Variants in KIAA0232 observed in about 807,000 individuals in gnomAD.
KIAA0232 encodes the protein uncharacterized protein KIAA0232.
In KIAA0232, 27 loss-of-function variants were observed where a neutral mutation model predicts 122.0. The observed-to-expected ratio is 0.22, with a 90% CI of 0.16 to 0.31. The LOEUF (loss-of-function observed/expected upper bound fraction) is 0.31, where lower values mean the gene tolerates loss of function less well. KIAA0232 is among the 10% of genes least tolerant of loss of function. KIAA0232 has a pLI of 1.00. For missense variants in KIAA0232, 1,551 were observed against 1,634.2 expected, an observed-to-expected ratio of 0.95 and a Z score of 0.88; for synonymous variants, 613 against 587.6, an observed-to-expected ratio of 1.04 and a Z score of -0.63.
chr4:6,794,897 A>G (rs1050460276), intron 1 of KIAA0232, among the ~76,000 whole-genome samples: 2 of 152,186 alleles, frequency 1.3e-5, no homozygotes, highest in African/African-American at 4.8e-5. Context: ...GATGCCAGTC[A>G]GATATCTCCT....
chr4:6,857,118 G>A (rs1233558226), intron 4 of KIAA0232, 46 bp from the exon 5 acceptor site: 2 of 1,457,580 alleles, frequency 1.4e-6, no homozygotes, highest in East Asian at 2.4e-5. Flanking sequence ...TACCTGATTT[G>A]TACATACCTG....
At position 6,842,160 on chromosome 4, in the gene KIAA0232, A is replaced by C; in HGVS notation, c.325A>C (p.Lys109Gln). 2 of 1,610,302 alleles carry C rather than the reference A, an allele frequency of 1.2e-6. No homozygotes were observed. Among genetic ancestry groups the C allele is most frequent in the Non-Finnish European group, 1.7e-6 (2 of 1,178,880 alleles). Reference protein sequence around the residue: ...KCSDLTLEEMKKQAAVQCLRS... With the variant: ...KCSDLTLEEMQKQAAVQCLRS... ...TTCAGATCTAACTCTAGAAGAAATG[A>C]AAAAACAGGCTGCTGTCCAGTGTCT... Residue 109 changes from lysine to glutamine, a missense_variant, in exon 4 of 10, where the codon AAA becomes CAA. By Grantham distance (53) the Lys-to-Gln change is moderately conservative (BLOSUM62 1). Around this residue, in one of 5 missense-constraint regions of KIAA0232, gnomAD observed 377 missense variants for 381.7 expected, o/e 0.99. Coordinates refer to ENST00000307659, the MANE Select transcript of KIAA0232 (RefSeq NM_014743.3).
At chr4:6,854,928 G>T (rs1437993909) in intron 4 of KIAA0232, among the ~76,000 whole-genome samples, 1 of 152,100 alleles carries the variant, frequency 6.6e-6, no homozygotes, top group Admixed American at 6.6e-5. Flanking sequence ...AATTGGGAAA[G>T]TGAATAAAAA....
chr4:6,871,184 G>C (rs771451944), intron 7 of KIAA0232, among the ~76,000 whole-genome samples: 9 of 152,200 alleles, frequency 5.9e-5, no homozygotes, highest in Admixed American at 2.0e-4. Flanking sequence ...TGTAATCCCA[G>C]TACTTTGGGA....
chr4:6,879,117 T>C (rs994279676), intron 9 of KIAA0232, among the ~76,000 whole-genome samples: 27 of 152,174 alleles, frequency 1.8e-4, no homozygotes, highest in Non-Finnish European at 2.8e-4. Context: ...CAAGCCACTG[T>C]CCCTGCTCCT....
chr4:6,835,082 A>G (rs948135274), intron 3 of KIAA0232, among the ~76,000 whole-genome samples: 1 of 152,198 alleles, frequency 6.6e-6, no homozygotes, highest in Non-Finnish European at 1.5e-5. Context: ...GGAAGGCCCA[A>G]GATAGCTTTA....
chr4:6,861,924 T>G lies in KIAA0232; in HGVS notation c.1542T>G (p.Ile514Met), dbSNP rs760832560. The change falls in exon 7 of 10, where the codon ATT becomes ATG. Residue 514 changes from isoleucine to methionine, a missense_variant. Physicochemically the swap from Ile to Met is conservative, Grantham distance 10 (BLOSUM62 1). This residue lies in a region of KIAA0232 where 1,108 missense variants were observed against 1,154.8 expected (regional missense o/e 0.96). Coordinates refer to ENST00000307659, the MANE Select transcript of KIAA0232 (RefSeq NM_014743.3). ...SELTHFYEVD[I>M]DQSMLDPGAS... ...TAACGCACTTCTATGAAGTGGATAT[T>G]GATCAATCCATGTTGGATCCTGGTG... 2 of 1,614,040 alleles carry G rather than the reference T, an allele frequency of 1.2e-6. No homozygotes were observed. The highest frequency in any genetic ancestry group is 2.7e-5 in the African/African-American group (2 of 75,052).
In KIAA0232 at chr4:6,831,065, T is replaced by C. The variant is rs187896723; in HGVS notation, c.231+6381T>C. 4.6e-5 allele frequency among the ~76,000 whole-genome samples: 7 copies of C among 152,192 alleles called. No individual in the cohort carries two copies. In the East Asian group the frequency reaches 1.4e-3, roughly 29 times the overall value. On this transcript the variant is annotated intron_variant, in intron 3 of 9. Transcript: ENST00000307659. ...TATTTTTTAAAATTTATTTATTTAT[T>C]ATTTTTTTGAGACGGAGTCTCGCCC...
chr4:6,832,326 A>G (rs1258631920), intron 3 of KIAA0232, among the ~76,000 whole-genome samples: 1 of 148,646 alleles, frequency 6.7e-6, no homozygotes, highest in African/African-American at 2.5e-5. Flanking sequence ...CCCTACTGGC[A>G]TATGTAATTC....
At chr4:6,879,020 C>T (rs915043453) in intron 9 of KIAA0232, among the ~76,000 whole-genome samples, 4 of 152,180 alleles carry the variant, frequency 2.6e-5, no homozygotes, top group African/African-American at 9.7e-5. Flanking sequence ...CTTCCACACA[C>T]AGTCTGCCTG....
At chr4:6,811,192 G>T (rs1042981207) in intron 2 of KIAA0232, among the ~76,000 whole-genome samples, 1 of 152,092 alleles carries the variant, frequency 6.6e-6, no homozygotes. Flanking sequence ...CAATAACAAA[G>T]ATGTAGAATC....
chr4:6,874,845 T>A (rs1721666544), intron 8 of KIAA0232, among the ~76,000 whole-genome samples: 2 of 147,954 alleles, frequency 1.4e-5, no homozygotes, highest in South Asian at 4.4e-4. Flanking sequence ...TCATGAAGAC[T>A]ATCAGCAGCA....
chr4:6,799,718 C>G (rs1235045874), intron 1 of KIAA0232, among the ~76,000 whole-genome samples: 2 of 151,836 alleles, frequency 1.3e-5, no homozygotes, highest in African/African-American at 4.8e-5. Context: ...TTTTTTGAGT[C>G]GGAGGCTCGC....
chr4:6,839,728 G>A (rs1184344329), intron 3 of KIAA0232, among the ~76,000 whole-genome samples: 1 of 152,158 alleles, frequency 6.6e-6, no homozygotes, highest in Non-Finnish European at 1.5e-5. Context: ...CTGATGTGCT[G>A]TGTGAGGGCA....
At chr4:6,847,778 T>G (rs1280605627) in intron 4 of KIAA0232, among the ~76,000 whole-genome samples, 1 of 152,164 alleles carries the variant, frequency 6.6e-6, no homozygotes, top group African/African-American at 2.4e-5. Flanking sequence ...TATCCTAAGC[T>G]GTCTGTTTCA....
intron 3 of KIAA0232, among the ~76,000 whole-genome samples, chr4:6,831,087 G>A (rs764020732): frequency 9.3e-5 from 14 of 150,500 alleles, no homozygotes; most frequent in South Asian, 2.1e-4. Flanking sequence ...ACGGAGTCTC[G>A]CCCTGTCGCC....
At chr4:6,837,533 G>A (rs1031698797) in intron 3 of KIAA0232, among the ~76,000 whole-genome samples, 7 of 152,218 alleles carry the variant, frequency 4.6e-5, no homozygotes, top group Non-Finnish European at 8.8e-5. Flanking sequence ...AGAGGCTGCA[G>A]TCTCGGCACT....
chr4:6,875,663 G>A (rs778005136), intron 8 of KIAA0232, among the ~76,000 whole-genome samples: 4 of 152,174 alleles, frequency 2.6e-5, no homozygotes, highest in African/African-American at 4.8e-5. Context: ...AAACTACCTT[G>A]TGGCAACTCT....
intron 3 of KIAA0232, among the ~76,000 whole-genome samples, chr4:6,830,546 A>T (rs7658661): frequency 6.6e-6 from 1 of 151,460 alleles, no homozygotes; most frequent in Admixed American, 6.6e-5. Flanking sequence ...TAGCTAGATT[A>T]CAGGCGTGCA....
Sources: allele counts gnomAD v4.1 joint callset (sites outside exome capture counted in the v4.1 genomes callset), GRCh38; gene constraint gnomAD v4.1.1; regional missense constraint gnomAD v4.1.1; transcripts MANE v1.5; gene names NCBI Gene and HGNC (gene_info 2026-07-23, HGNC 2026-07-21).